Variants in DAPK1 observed in about 807,000 individuals in gnomAD.
DAPK1 encodes death-associated protein kinase 1.
DAPK1 carries 56 observed loss-of-function variants against 144.9 expected under a neutral mutation model. The ratio of observed to expected loss-of-function variants is 0.39; its 90% CI spans 0.31 to 0.48. The LOEUF is 0.48. Ranked by LOEUF, DAPK1 falls within the 20% of genes least tolerant of loss-of-function variation. DAPK1 has a pLI of 0.95. For synonymous variants in DAPK1, 690 were observed against 749.0 expected (o/e 0.92, Z 1.29); for missense variants, 1,454 against 1,875.4 (o/e 0.78, Z 4.15).
At chr9:87,536,447 C>T (rs3028) in intron 2 of DAPK1, among the ~76,000 whole-genome samples, 44,665 of 151,708 alleles carry the variant, frequency 0.29, 6,890 homozygotes, top group Middle Eastern at 0.42. Flanking sequence ...TCTGTCTGTA[C>T]TGATTTTGAA....
intron 3 of DAPK1, among the ~76,000 whole-genome samples, chr9:87,624,701 CTG>C (rs555355113): frequency 5.2e-4 from 79 of 152,372 alleles, no homozygotes; most frequent in Non-Finnish European, 7.3e-4. Context: ...GAGCACCCGA[CTG>C]ACCTCGAGTC....
At chr9:87,614,241 T>C (rs924901565) in intron 3 of DAPK1, among the ~76,000 whole-genome samples, 3 of 152,196 alleles carry the variant, frequency 2.0e-5, no homozygotes, top group African/African-American at 4.8e-5. Context: ...AGTGAGACAA[T>C]AGGAGTCTTA....
rs775426815 is a variant in DAPK1, at chr9:87,707,287, A to C, written c.4216A>C (p.Asn1406His). 1 of 1,613,876 alleles carries C rather than the reference A, an allele frequency of 6.2e-7. No individual in the cohort carries two copies. Among genetic ancestry groups the C allele is most frequent in the Non-Finnish European group, 8.5e-7 (1 of 1,179,826 alleles). Residue 1406 changes from asparagine to histidine, a missense_variant, in exon 26 of 26, where the codon AAT (asparagine) becomes CAT (histidine). Around this residue, in one of 2 missense-constraint regions of DAPK1, gnomAD observed 1,025 missense variants for 1,237.9 expected, o/e 0.83. Coordinates refer to ENST00000408954, the MANE Select transcript of DAPK1 (RefSeq NM_004938.4). This position sits in a 1 kb window ranked among gnomAD's most constrained non-coding sequence, Gnocchi z 4.0. ...SSVFKINLDG[N>H]GQEAYASSCN... ...TGTGTTCAAAATCAACCTGGATGGC[A>C]ATGGCCAGGAGGCCTATGCCTCGAG...
chr9:87,608,663 A>G (rs1828818473), intron 3 of DAPK1, among the ~76,000 whole-genome samples: 1 of 152,190 alleles, frequency 6.6e-6, no homozygotes. Context: ...TAGGCTTTCT[A>G]ATAGTTGCAT....
intron 2 of DAPK1, among the ~76,000 whole-genome samples, chr9:87,534,505 T>C (rs1017562718): frequency 6.6e-6 from 1 of 152,170 alleles, no homozygotes; most frequent in East Asian, 1.9e-4. Flanking sequence ...ATTTCCAACC[T>C]GAGGATCAGC....
At chr9:87,506,236 G>A (rs985063803) in intron 2 of DAPK1, among the ~76,000 whole-genome samples, 5 of 152,186 alleles carry the variant, frequency 3.3e-5, no homozygotes, top group African/African-American at 4.8e-5. Context: ...GCCATTTGGC[G>A]CCAATTTATT....
At chr9:87,619,171 GA>G (rs1829202939) in intron 3 of DAPK1, among the ~76,000 whole-genome samples, 2 of 152,090 alleles carry the variant, frequency 1.3e-5, no homozygotes, top group African/African-American at 2.4e-5. Flanking sequence ...ACCCTCTCTG[GA>G]TTTCCTACCC....
intron 2 of DAPK1, among the ~76,000 whole-genome samples, chr9:87,519,535 A>C (rs1825213841): frequency 7.1e-6 from 1 of 141,550 alleles, no homozygotes; most frequent in South Asian, 2.4e-4. Flanking sequence ...ATCATGTCAG[A>C]GACATCTGCC....
chr9:87,604,693 G>A (rs564822529), intron 2 of DAPK1, among the ~76,000 whole-genome samples: 1 of 152,272 alleles, frequency 6.6e-6, no homozygotes, highest in African/African-American at 2.4e-5. Flanking sequence ...AGGGAAGGAG[G>A]AGAGGACAGA....
chr9:87,637,829 CA>C (rs1829954982), intron 3 of DAPK1, 113 bp from the exon 4 acceptor site: 2 of 1,178,160 alleles, frequency 1.7e-6, no homozygotes, highest in Non-Finnish European at 2.4e-6. Flanking sequence ...GCGGTTTCAG[CA>C]TAGTCTTTAT....
intron 2 of DAPK1, among the ~76,000 whole-genome samples, chr9:87,559,129 C>T (rs114694533): frequency 0.017 from 2,658 of 152,198 alleles, 83 homozygotes; most frequent in African/African-American, 0.06. Context: ...TTGTGCTTGA[C>T]GTGTATTATC....
Position 87,631,500 on chromosome 9 carries a change from T to C in DAPK1, c.285-6443T>C, listed in dbSNP as rs41407244. On this transcript the variant is annotated intron_variant, in intron 3 of 25. Coordinates refer to ENST00000408954, the MANE Select transcript of DAPK1 (RefSeq NM_004938.4). ...CAGCTCTCTTGGTGAAAACAGCAAA[T>C]GTTCATTAGTATTCATTTCACACGA... Among the ~76,000 whole-genome samples the C allele has an allele frequency of 1.5e-3, 230 of 152,228 alleles. 2 individuals carry two copies. The East Asian group carries it at 0.039, about 26-fold the overall frequency.
rs916312367 is a variant in DAPK1, at chr9:87,606,032, C to T, written c.284+857C>T. Among the ~76,000 whole-genome samples, 19 of 152,318 alleles carry T rather than the reference C, an allele frequency of 1.2e-4. No individual in the cohort carries two copies. In the South Asian group the frequency reaches 1.7e-3, roughly 13 times the overall value. On this transcript the variant is annotated intron_variant, in intron 3 of 25. Coordinates refer to ENST00000408954, the MANE Select transcript of DAPK1 (RefSeq NM_004938.4). The stretch of plus-strand genomic sequence containing the variant: ...GAGGACAAACCAATCCTCAGTGGCT[C>T]GTAGTGATGACAGGCTCCATCCATT...
intron 2 of DAPK1, among the ~76,000 whole-genome samples, chr9:87,543,212 A>G (rs542508520): frequency 6.6e-6 from 1 of 152,368 alleles, no homozygotes; most frequent in African/African-American, 2.4e-5. Flanking sequence ...TCTGCTTAAG[A>G]ATGTCTAAAA....
intron 2 of DAPK1, among the ~76,000 whole-genome samples, chr9:87,597,575 C>T (rs539659216): frequency 6.6e-6 from 1 of 152,164 alleles, no homozygotes; most frequent in South Asian, 2.1e-4. Flanking sequence ...TTTCCATGTG[C>T]TTGATGTGTT....
At chr9:87,653,940 C>T (rs555203087) in intron 17 of DAPK1, among the ~76,000 whole-genome samples, 3 of 152,216 alleles carry the variant, frequency 2.0e-5, no homozygotes, top group East Asian at 1.9e-4. Flanking sequence ...GTGATCTGCC[C>T]GCTTCAGCCC....
In DAPK1 at chr9:87,666,987, A is replaced by G. The variant is rs146870779; in HGVS notation, c.1924-1610A>G. On this transcript the variant is annotated intron_variant, in intron 18 of 25. Coordinates refer to ENST00000408954, the MANE Select transcript of DAPK1 (RefSeq NM_004938.4). ...AGTGGTTCCCAAACCTTGCTGCATA[A>G]TAGAATTAACCTGGGAGCCCAGGAT... is the stretch of plus-strand genomic sequence containing the variant. 7.9e-5 allele frequency among the ~76,000 whole-genome samples: 12 copies of G among 152,290 alleles called. No individual in the cohort carries two copies. The East Asian group carries it at 2.3e-3, about 29-fold the overall frequency.
At chr9:87,620,186 CTCGTGCCCCTCCTT>C (rs1829240002) in intron 3 of DAPK1, among the ~76,000 whole-genome samples, 1 of 152,188 alleles carries the variant, frequency 6.6e-6, no homozygotes, top group Non-Finnish European at 1.5e-5. Flanking sequence ...TGCCCCTCCG[CTCGTGCCCCTCCTT>C]GGTCTCTGAT....
chr9:87,593,040 C>T (rs1828190802), intron 2 of DAPK1, among the ~76,000 whole-genome samples: 4 of 152,162 alleles, frequency 2.6e-5, no homozygotes, highest in Admixed American at 2.6e-4. Flanking sequence ...GGCTGACAGC[C>T]AGACAGCCAC....
Sources: gnomAD v4.1 joint callset for allele counts (sites outside exome capture counted in the v4.1 genomes callset) on GRCh38, gnomAD v4.1.1 for gene constraint, gnomAD v4.1.1 regional missense constraint, Gnocchi (gnomAD v3.1) non-coding constraint, MANE v1.5 for transcripts, NCBI Gene and HGNC (gene_info 2026-07-23, HGNC 2026-07-21) for gene names.